Variants in RADIL observed in about 807,000 individuals in gnomAD.
The protein encoded by RADIL is ras-associating and dilute domain-containing protein.
In RADIL, 99 loss-of-function variants were observed where a neutral mutation model predicts 97.6. The observed-to-expected ratio is 1.01, with a 90% CI of 0.86 to 1.20. The LOEUF (loss-of-function observed/expected upper bound fraction) is 1.20. RADIL is among the 50% of genes most tolerant of loss of function. The pLI, the probability that RADIL is intolerant of heterozygous loss-of-function variation, is 0.00. For synonymous variants in RADIL, 803 were observed against 691.8 expected, an observed-to-expected ratio of 1.16 and a Z score of -2.52; for missense variants, 1,765 against 1,498.9, an observed-to-expected ratio of 1.18 and a Z score of -2.93.
intron 2 of RADIL, chr7:4,860,608 G>C (rs1332799219): frequency 1.2e-6 from 2 of 1,613,988 alleles, no homozygotes; most frequent in Non-Finnish European, 1.7e-6. Context: ...TCCCAACCAG[G>C]ATTCGGATCT....
intron 9 of RADIL, among the ~76,000 whole-genome samples, chr7:4,811,603 T>G (rs1782551301): frequency 6.9e-6 from 1 of 143,902 alleles, no homozygotes; most frequent in Admixed American, 7.3e-5. Context: ...TTCTCCTGCC[T>G]CAGCCTCCCA....
chr7:4,810,763 G>C (rs1782520989), intron 9 of RADIL, among the ~76,000 whole-genome samples: 1 of 152,228 alleles, frequency 6.6e-6, no homozygotes, highest in Non-Finnish European at 1.5e-5. Flanking sequence ...AGGAACACCT[G>C]AGGGTTCAAA....
In RADIL at chr7:4,803,789, G is replaced by A. The variant is rs532822283; in HGVS notation, c.2291-35C>T. 18 of 1,527,804 alleles carry A rather than the reference G, an allele frequency of 1.2e-5. No homozygotes were observed. The African/African-American group carries it at 1.8e-4, about 15-fold the overall frequency. 94.6% of individuals were successfully genotyped at this position (1,527,804 alleles called of 1,614,324 possible). ...AGAGAGGATGCCCGTAATGGCCACA[G>A]GAGAAGCTGCCTCCCTCGCCAGGCC... On this transcript the variant is annotated intron_variant, in intron 10 of 14. Transcript: ENST00000399583.
intron 4 of RADIL, among the ~76,000 whole-genome samples, chr7:4,832,547 T>C (rs1783174791): frequency 6.6e-6 from 1 of 152,090 alleles, no homozygotes; most frequent in Non-Finnish European, 1.5e-5. Flanking sequence ...GAGACCAGCC[T>C]GGACAACATG....
chr7:4,809,436 A>G, intron 9 of RADIL: 1 of 985,396 alleles, frequency 1.0e-6, no homozygotes, highest in South Asian at 4.7e-5. Flanking sequence ...ACAGGAAACC[A>G]CACATCTGAC....
At chr7:4,843,137 G>T (rs1448061053) in intron 2 of RADIL, among the ~76,000 whole-genome samples, 1 of 151,318 alleles carries the variant, frequency 6.6e-6, no homozygotes, top group Non-Finnish European at 1.5e-5. Context: ...CTCCCGAGTA[G>T]CTAGGATTAC....
rs967098846 is a variant in RADIL at position 4,873,527 on chromosome 7, C to G, written c.535+4078G>C. On this transcript the variant is annotated intron_variant, in intron 2 of 14. Coordinates refer to ENST00000399583, the MANE Select transcript of RADIL (RefSeq NM_018059.5). The surrounding 1 kb of genome is among the most constrained non-coding windows in gnomAD (Gnocchi z 4.3). Reference sequence around the variant, plus strand: ...GTCCTCTTGGGAGAGAATGCAGGAGCTGAAGGGGCCCTGGCGTGCGCTGGA... The same window carrying G: ...GTCCTCTTGGGAGAGAATGCAGGAGGTGAAGGGGCCCTGGCGTGCGCTGGA... Among the ~76,000 whole-genome samples the G allele has an allele frequency of 6.6e-6, 1 of 152,214 alleles. No individual in the cohort carries two copies. The highest frequency in any genetic ancestry group is 1.5e-5 in the Non-Finnish European group (1 of 68,048).
At chr7:4,863,820 A>G (rs915485644) in intron 2 of RADIL, among the ~76,000 whole-genome samples, 1 of 152,190 alleles carries the variant, frequency 6.6e-6, no homozygotes, top group African/African-American at 2.4e-5. Flanking sequence ...TAAGGTCCCA[A>G]GAGCTTTCTG....
chr7:4,815,561 A>T lies in RADIL; in HGVS notation c.1967-111T>A. The T allele has an allele frequency of 8.4e-7, 1 of 1,192,126 alleles. No individual in the cohort carries two copies. Among genetic ancestry groups the T allele is most frequent in the Non-Finnish European group, 1.1e-6 (1 of 881,164 alleles). The allele number at this position is 1,192,126 out of a possible 1,614,324, so 73.8% of individuals were successfully genotyped here. ...CCGGCTCTGGGCCACTGAGGACATC[A>T]CAGCTCGATGACAGGCAGGACACCT... On this transcript the variant is annotated intron_variant, in intron 8 of 14. Transcript: ENST00000399583. The surrounding 1 kb of genome is among the most constrained non-coding windows in gnomAD (Gnocchi z 8.0).
rs10215212 is a variant in RADIL, at chr7:4,881,932, G to A, written c.-65+1664C>T. The stretch of plus-strand genomic sequence containing the variant: ...TCTTAGAAGCTTGAACTTCAGAAAT[G>A]TTGTTCCCCCCACTTCCCCCCACCC... On this transcript the variant is annotated intron_variant, in intron 1 of 14. Transcript: ENST00000399583. Among the ~76,000 whole-genome samples, 404 of 152,196 alleles carry A rather than the reference G, an allele frequency of 2.7e-3. 3 individuals are homozygous for A. The highest frequency in any genetic ancestry group is 9.5e-3 in the African/African-American group (395 of 41,548).
intron 2 of RADIL, among the ~76,000 whole-genome samples, chr7:4,838,770 T>C (rs970875695): frequency 6.6e-6 from 1 of 152,182 alleles, no homozygotes; most frequent in Non-Finnish European, 1.5e-5. Flanking sequence ...GCCACAAGCA[T>C]GACAGAGCCT....
At chr7:4,864,122 A>G (rs994460812) in intron 2 of RADIL, among the ~76,000 whole-genome samples, 4 of 152,242 alleles carry the variant, frequency 2.6e-5, no homozygotes, top group Non-Finnish European at 5.9e-5. Context: ...ATCCATTTCA[A>G]CATTGGCTTA....
chr7:4,829,793 C>A (rs188408913), intron 5 of RADIL, among the ~76,000 whole-genome samples: 3 of 152,270 alleles, frequency 2.0e-5, no homozygotes, highest in Admixed American at 1.3e-4. Flanking sequence ...AAGATGTGCC[C>A]TTGTTCCTCC....
intron 10 of RADIL, 160 bp downstream of exon 10, chr7:4,805,406 G>C (rs1182866216): frequency 3.2e-6 from 2 of 620,220 alleles, no homozygotes; most frequent in Non-Finnish European, 4.6e-6. Context: ...GGATGGGGCG[G>C]GGCGGGGGGG....
chr7:4,860,205 C>T lies in RADIL; in HGVS notation c.535+17400G>A, dbSNP rs573330759. 4.3e-6 allele frequency: 7 copies of T among 1,614,046 alleles called. No individual in the cohort carries two copies. The South Asian group carries it at 6.6e-5, about 15-fold the overall frequency. ...TTCATAGTGCTAGTAGATGAAGGCACAGACATGCTGTTTTCACAGCCTGCA... is the reference window on the plus strand; with the variant it reads ...TTCATAGTGCTAGTAGATGAAGGCATAGACATGCTGTTTTCACAGCCTGCA... On this transcript the variant is annotated intron_variant, in intron 2 of 14. Coordinates refer to ENST00000399583, the MANE Select transcript of RADIL (RefSeq NM_018059.5).
rs59097134 is a variant in RADIL at position 4,880,429 on chromosome 7, T to G, written c.-64-2226A>C. On this transcript the variant is annotated intron_variant, in intron 1 of 14. Transcript: ENST00000399583. This position sits in a 1 kb window ranked among gnomAD's most constrained non-coding sequence, Gnocchi z 4.5. ...ACACCAGCGGCTTCCAATCGCCCTC[T>G]AGTCTGACCTCAGTCTCCTGTGGTC... 0.088 allele frequency among the ~76,000 whole-genome samples: 13,398 copies of G among 152,142 alleles called. 976 individuals carry two copies. The highest frequency in any genetic ancestry group is 0.2 in the African/African-American group (8,172 of 41,464).
chr7:4,800,463 G>A (rs1006058407), intron 12 of RADIL, among the ~76,000 whole-genome samples, 153 bp from the exon 13 acceptor site: 1 of 152,090 alleles, frequency 6.6e-6, no homozygotes, highest in South Asian at 2.1e-4. Flanking sequence ...AATGTGACCG[G>A]CAACCCAGAC....
At chr7:4,829,215 G>A (rs956346196) in intron 5 of RADIL, among the ~76,000 whole-genome samples, 3 of 152,210 alleles carry the variant, frequency 2.0e-5, no homozygotes, top group East Asian at 1.9e-4. Flanking sequence ...ATCACCCTTC[G>A]ATGCTATCCG....
chr7:4,806,882 G>T (rs530791794), intron 9 of RADIL, among the ~76,000 whole-genome samples: 3 of 152,300 alleles, frequency 2.0e-5, no homozygotes, highest in South Asian at 4.1e-4. Context: ...CAACCTGAGT[G>T]CAAATCTTCA....
Sources: gnomAD v4.1 joint callset for allele counts (sites outside exome capture counted in the v4.1 genomes callset) on GRCh38, gnomAD v4.1.1 for gene constraint, Gnocchi (gnomAD v3.1) non-coding constraint, MANE v1.5 for transcripts, NCBI Gene and HGNC (gene_info 2026-07-23, HGNC 2026-07-21) for gene names.